PCDH11X: variants seen among roughly 807,000 people sequenced by gnomAD.
PCDH11X encodes the protein protocadherin 11 X-linked, also known as protocadherin-11 X-linked.
PCDH11X carries 18 observed loss-of-function variants against 53.3 expected under a neutral mutation model. The ratio of observed to expected loss-of-function variants is 0.34; its 90% CI spans 0.23 to 0.50. PCDH11X has a LOEUF of 0.50. Ranked by LOEUF, PCDH11X falls within the 20% of genes least tolerant of loss-of-function variation. The pLI is 0.98. For synonymous variants in PCDH11X, 279 were observed against 393.3 expected (o/e 0.71, Z 3.44); for missense variants, 570 against 1,032.4 (o/e 0.55, Z 6.14).
At chrX:92,107,499 G>T (rs767775971) in intron 6 of PCDH11X, among the ~76,000 whole-genome samples, 30 of 112,044 alleles carry the variant, frequency 2.7e-4, no homozygotes, top group African/African-American at 9.4e-4. Context: ...TACTTTGGGA[G>T]GCAGAGGCGG....
At chrX:92,197,971 G>A (rs965247484) in intron 6 of PCDH11X, among the ~76,000 whole-genome samples, 4 of 111,567 alleles carry the variant, frequency 3.6e-5, no homozygotes, top group African/African-American at 1.3e-4. Context: ...TGAAACAATA[G>A]TGGTGAAACT....
chrX:91,884,052 G>A lies in PCDH11X; in HGVS notation c.3033+4779G>A, dbSNP rs867015560. On this transcript the variant is annotated intron_variant, in intron 6 of 10. Coordinates refer to ENST00000682573, the MANE Select transcript of PCDH11X (RefSeq NM_032968.5). ...TGAAAAATACAAAAATTAGCCGGGC[G>A]TGGTAATGGGCGCCTGTAATCCCAG... is the stretch of plus-strand genomic sequence containing the variant. 1.6e-4 allele frequency: 34 copies of A among 206,426 alleles called. No homozygotes were observed. The South Asian group carries it at 2.0e-3, about 12-fold the overall frequency. The allele number at this position is 206,426 out of a possible 1,213,427, so 17.0% of individuals were successfully genotyped here. A position where few individuals can be genotyped will look rare whatever the true frequency, so the allele number is the denominator to read the frequency against.
At chrX:92,148,057 C>CCTTT (rs1190209890) in intron 6 of PCDH11X, among the ~76,000 whole-genome samples, 22 of 16,963 alleles carry the variant, frequency 1.3e-3, no homozygotes, top group Non-Finnish European at 1.6e-3. Flanking sequence ...TTCCTTCCTT[C>CCTTT]CTTTCTTTCT....
At chrX:92,161,491 G>C (rs2065642075) in intron 6 of PCDH11X, among the ~76,000 whole-genome samples, 1 of 110,548 alleles carries the variant, frequency 9.0e-6, no homozygotes, top group African/African-American at 3.3e-5. Flanking sequence ...ATGACAATGT[G>C]CCTAGACATG....
chrX:92,398,989 G>A (rs2071316556), intron 9 of PCDH11X, among the ~76,000 whole-genome samples: 1 of 109,296 alleles, frequency 9.1e-6, no homozygotes, highest in South Asian at 4.1e-4. Flanking sequence ...TCAGGAGATT[G>A]AGACCATCCT....
chrX:92,143,457 C>T (rs1400628415), intron 6 of PCDH11X, among the ~76,000 whole-genome samples: 1 of 112,462 alleles, frequency 8.9e-6, no homozygotes, highest in African/African-American at 3.2e-5. Flanking sequence ...CCCAACCTCT[C>T]TAGTCGTGGC....
intron 10 of PCDH11X, among the ~76,000 whole-genome samples, chrX:92,574,888 C>T (rs1922644763): frequency 9.1e-6 from 1 of 110,237 alleles, no homozygotes; most frequent in Non-Finnish European, 1.9e-5. Flanking sequence ...TTTCACTTAA[C>T]CCTTAGAAGT....
At chrX:92,384,509 C>T (rs186471807) in intron 8 of PCDH11X, among the ~76,000 whole-genome samples, 3,407 of 107,687 alleles carry the variant, frequency 0.032, 138 homozygotes, top group African/African-American at 0.097. Context: ...GTGTAGGAGT[C>T]CAGAGTTTTA....
intron 6 of PCDH11X, among the ~76,000 whole-genome samples, chrX:92,158,034 G>C (rs2065571094): frequency 9.1e-6 from 1 of 110,437 alleles, no homozygotes; most frequent in Non-Finnish European, 1.9e-5. Context: ...GACCAACATG[G>C]TGAAACCCTG....
chrX:91,952,929 G>T (rs1195695670), intron 6 of PCDH11X, among the ~76,000 whole-genome samples: 3 of 111,066 alleles, frequency 2.7e-5, no homozygotes, highest in Non-Finnish European at 5.7e-5. Flanking sequence ...CTTATGTTAA[G>T]TGAAATAGCC....
At chrX:92,064,191 G>C (rs1228322051) in intron 6 of PCDH11X, among the ~76,000 whole-genome samples, 1 of 104,635 alleles carries the variant, frequency 9.6e-6, no homozygotes, top group Non-Finnish European at 1.9e-5. Flanking sequence ...GCTTGCACTT[G>C]TACCAGCAGT....
At chrX:92,145,109 A>T (rs1044472873) in intron 6 of PCDH11X, among the ~76,000 whole-genome samples, 17 of 111,317 alleles carry the variant, frequency 1.5e-4, no homozygotes, top group African/African-American at 3.9e-4. Context: ...TAACCTGTAG[A>T]CAGTGAGATG....
At chrX:92,476,598 T>C (rs2073390838) in intron 10 of PCDH11X, among the ~76,000 whole-genome samples, 1 of 72,772 alleles carries the variant, frequency 1.4e-5, no homozygotes, top group Admixed American at 1.5e-4. Flanking sequence ...CTGGATAGTC[T>C]TGATATTTAT....
chrX:92,262,372 T>C (rs2067736208), intron 7 of PCDH11X, among the ~76,000 whole-genome samples: 1 of 111,688 alleles, frequency 9.0e-6, no homozygotes, highest in Admixed American at 9.5e-5. Context: ...TGACATTTGA[T>C]TCACTTTTAA....
chrX:92,015,297 T>C (rs1438586906), intron 6 of PCDH11X, among the ~76,000 whole-genome samples: 1 of 111,582 alleles, frequency 9.0e-6, no homozygotes, highest in Non-Finnish European at 1.9e-5. Flanking sequence ...GTATGGCTAA[T>C]GGGGTGGTGG....
chrX:91,995,852 G>GTTT (rs1279977266), intron 6 of PCDH11X, among the ~76,000 whole-genome samples: 1 of 95,342 alleles, frequency 1.0e-5, no homozygotes, highest in South Asian at 4.6e-4. Context: ...TCTTCTTTTT[G>GTTT]TTTTTTTTTT....
chrX:91,850,890 C>G (rs1468588925), intron 5 of PCDH11X, among the ~76,000 whole-genome samples: 1 of 111,234 alleles, frequency 9.0e-6, no homozygotes, highest in Non-Finnish European at 1.9e-5. Context: ...CTTCTGCTAA[C>G]TGTATACTGT....
At chrX:91,888,042 C>T (rs1394366614) in intron 6 of PCDH11X, among the ~76,000 whole-genome samples, 1 of 111,738 alleles carries the variant, frequency 8.9e-6, no homozygotes, top group Non-Finnish European at 1.9e-5. Context: ...TTTAATTTTC[C>T]TATATTCTAG....
intron 10 of PCDH11X, among the ~76,000 whole-genome samples, chrX:92,491,079 T>G (rs2073755801): frequency 1.0e-5 from 1 of 99,848 alleles, no homozygotes; most frequent in Admixed American, 1.1e-4. Context: ...GAAACAGGTC[T>G]AACTTTCAAA....
Sources: allele counts gnomAD v4.1 joint callset (sites outside exome capture counted in the v4.1 genomes callset), GRCh38; gene constraint gnomAD v4.1.1; transcripts MANE v1.5; gene names NCBI Gene and HGNC (gene_info 2026-07-23, HGNC 2026-07-21).